The following FHIT variants were observed in gnomAD, a reference collection of about 807,000 sequenced individuals.
FHIT encodes fragile histidine triad diadenosine triphosphatase, also known as bis(5'-adenosyl)-triphosphatase.
A neutral mutation model predicts 17.9 loss-of-function variants in FHIT; 19 were observed. The observed-to-expected ratio is 1.06, with a 90% CI of 0.74 to 1.56. FHIT has a LOEUF of 1.56. Ranked by LOEUF, FHIT falls within the 40% of genes most tolerant of loss-of-function variation. The pLI, the probability that FHIT is intolerant of heterozygous loss-of-function variation, is 0.00. For synonymous variants in FHIT, 81 were observed against 69.7 expected, an observed-to-expected ratio of 1.16 and a Z score of -0.81; for missense variants, 248 against 189.2, an observed-to-expected ratio of 1.31 and a Z score of -1.82.
intron 7 of FHIT, among the ~76,000 whole-genome samples, chr3:59,983,414 C>A (rs1435384847): frequency 6.6e-6 from 1 of 151,986 alleles, no homozygotes; most frequent in Non-Finnish European, 1.5e-5. Context: ...GACTAGAGTA[C>A]AATATTCTGA....
intron 5 of FHIT, among the ~76,000 whole-genome samples, chr3:60,530,584 G>A (rs145044785): frequency 2.1e-4 from 32 of 152,274 alleles, no homozygotes; most frequent in Admixed American, 1.6e-3. Context: ...TTCCCCTCTA[G>A]TGCCCATCAC....
intron 8 of FHIT, among the ~76,000 whole-genome samples, chr3:59,885,199 T>A (rs1279916409): frequency 3.9e-5 from 6 of 152,226 alleles, no homozygotes; most frequent in African/African-American, 1.4e-4. Flanking sequence ...TCTATATATG[T>A]TCAGAAGAGG....
At chr3:60,081,789 G>A (rs1703296443) in intron 5 of FHIT, among the ~76,000 whole-genome samples, 1 of 152,068 alleles carries the variant, frequency 6.6e-6, no homozygotes, top group Non-Finnish European at 1.5e-5. Flanking sequence ...CAGAGAGAGT[G>A]CCAGGAATAA....
At chr3:59,945,716 A>G (rs1201295712) in intron 7 of FHIT, among the ~76,000 whole-genome samples, 1 of 152,100 alleles carries the variant, frequency 6.6e-6, no homozygotes, top group Non-Finnish European at 1.5e-5. Flanking sequence ...TTTTGCATAC[A>G]TTAAAAGGAA....
chr3:60,124,348 G>C (rs1408045508), intron 5 of FHIT, among the ~76,000 whole-genome samples: 2 of 151,800 alleles, frequency 1.3e-5, no homozygotes, highest in African/African-American at 4.8e-5. Flanking sequence ...GCAAGTATCT[G>C]CCCTAAAACC....
At chr3:60,384,642 T>G (rs1426703831) in intron 5 of FHIT, among the ~76,000 whole-genome samples, 1 of 152,078 alleles carries the variant, frequency 6.6e-6, no homozygotes, top group Non-Finnish European at 1.5e-5. Flanking sequence ...AGGCTTTCAC[T>G]CACATAAAAA....
chr3:60,291,733 T>C (rs1161249124), intron 5 of FHIT, among the ~76,000 whole-genome samples: 11 of 152,080 alleles, frequency 7.2e-5, no homozygotes. Flanking sequence ...ATATTTAGAG[T>C]GAGCCTTAAA....
intron 5 of FHIT, among the ~76,000 whole-genome samples, chr3:60,317,980 C>A (rs750720895): frequency 6.6e-6 from 1 of 151,798 alleles, no homozygotes; most frequent in African/African-American, 2.4e-5. Context: ...TTGGTAGAAA[C>A]GGGGTTTTGC....
At chr3:60,917,916 C>T (rs1479491453) in intron 3 of FHIT, among the ~76,000 whole-genome samples, 3 of 152,200 alleles carry the variant, frequency 2.0e-5, no homozygotes, top group Non-Finnish European at 4.4e-5. Flanking sequence ...GAAAAACATA[C>T]TATGACTGTG....
At chr3:60,548,295 C>G (rs1181420042) in intron 4 of FHIT, among the ~76,000 whole-genome samples, 1 of 152,126 alleles carries the variant, frequency 6.6e-6, no homozygotes, top group African/African-American at 2.4e-5. Flanking sequence ...GCACTAAAGC[C>G]ACATAGCAGT....
At chr3:60,650,864 A>G (rs1183254898) in intron 4 of FHIT, among the ~76,000 whole-genome samples, 3 of 152,204 alleles carry the variant, frequency 2.0e-5, no homozygotes, top group Non-Finnish European at 4.4e-5. Flanking sequence ...AATTTTAAGA[A>G]GCAAAAAAAG....
At chr3:60,483,417 C>G (rs192684507) in intron 5 of FHIT, among the ~76,000 whole-genome samples, 1 of 152,088 alleles carries the variant, frequency 6.6e-6, no homozygotes, top group Non-Finnish European at 1.5e-5. Flanking sequence ...AGCATCAATG[C>G]GAAAATCCTC....
intron 5 of FHIT, among the ~76,000 whole-genome samples, chr3:60,362,168 T>G (rs72875045): frequency 6.6e-6 from 1 of 152,292 alleles, no homozygotes; most frequent in African/African-American, 2.4e-5. Flanking sequence ...GTGAACCAAA[T>G]TAACATATCA....
chr3:60,375,812 G>A (rs912266152), intron 5 of FHIT, among the ~76,000 whole-genome samples: 5 of 151,988 alleles, frequency 3.3e-5, no homozygotes, highest in Admixed American at 3.3e-4. Context: ...GACCTTCCCA[G>A]ATCCTATAGA....
At chr3:61,171,749 C>T (rs549915436) in intron 2 of FHIT, among the ~76,000 whole-genome samples, 1 of 152,282 alleles carries the variant, frequency 6.6e-6, no homozygotes, top group African/African-American at 2.4e-5. Flanking sequence ...TGTGGTGGCC[C>T]AACCCAGCAA....
rs188380649 is a variant in FHIT at position 61,185,900 on chromosome 3, A to T, written c.-164+14717T>A. Among the ~76,000 whole-genome samples, 41 of 152,324 alleles carry T rather than the reference A, an allele frequency of 2.7e-4. No individual in the cohort carries two copies. In the East Asian group the frequency reaches 7.3e-3, roughly 27 times the overall value. ...ATAGTAATAAAGTAATTCTAAAGTG[A>T]TTTAAATATATAGACTGTGATTCTC... On this transcript the variant is annotated intron_variant, in intron 2 of 9. Transcript: ENST00000492590.
chr3:60,258,945 A>AGAAGGGGAAGGG (rs147137476), intron 5 of FHIT, among the ~76,000 whole-genome samples: 3 of 151,300 alleles, frequency 2.0e-5, no homozygotes, highest in Non-Finnish European at 3.0e-5. Flanking sequence ...GGGTCTTATG[A>AGAAGGGGAAGGG]GAAGGGGAAG....
chr3:60,717,046 A>G (rs1340144251), intron 4 of FHIT, among the ~76,000 whole-genome samples: 7 of 152,216 alleles, frequency 4.6e-5, no homozygotes, highest in African/African-American at 1.7e-4. Context: ...CCAAACATAG[A>G]AAGACAAATA....
chr3:61,109,927 G>A (rs1012201319), intron 2 of FHIT, among the ~76,000 whole-genome samples: 1 of 152,008 alleles, frequency 6.6e-6, no homozygotes, highest in African/African-American at 2.4e-5. Context: ...TACCATCCAT[G>A]ATAATCCAAC....
Sources: allele counts gnomAD v4.1 joint callset (sites outside exome capture counted in the v4.1 genomes callset), GRCh38; gene constraint gnomAD v4.1.1; transcripts MANE v1.5; gene names NCBI Gene and HGNC (gene_info 2026-07-23, HGNC 2026-07-21).